GRIK2: variants seen among roughly 807,000 people sequenced by gnomAD.
GRIK2 encodes the protein glutamate receptor ionotropic, kainate 2.
In GRIK2, 32 loss-of-function variants were observed where a neutral mutation model predicts 100.3. The ratio of observed to expected loss-of-function variants is 0.32; its 90% confidence interval spans 0.24 to 0.43. GRIK2 has a LOEUF of 0.43. Among genes scored for constraint, GRIK2 ranks in the 20% least tolerant of loss-of-function variants. The pLI is 1.00. For missense variants in GRIK2, 843 were observed against 1,114.9 expected, an observed-to-expected ratio of 0.76 and a Z score of 3.47; for synonymous variants, 417 against 389.4, an observed-to-expected ratio of 1.07 and a Z score of -0.83.
intron 10 of GRIK2, among the ~76,000 whole-genome samples, chr6:101,846,517 G>T (rs1332810505): frequency 6.6e-6 from 1 of 152,034 alleles, no homozygotes; most frequent in Non-Finnish European, 1.5e-5. Flanking sequence ...TATCAGGGTA[G>T]TGTTGGCCTG....
chr6:101,557,192 A>C (rs1485751902), intron 2 of GRIK2, among the ~76,000 whole-genome samples: 1 of 152,326 alleles, frequency 6.6e-6, no homozygotes, highest in Middle Eastern at 3.4e-3. Flanking sequence ...ACTGTTAATT[A>C]TTCTTTCCAG....
rs146775600 is a variant in GRIK2 at position 102,055,463 on chromosome 6, G to A, written c.2445G>A (p.Leu815=). The A allele has an allele frequency of 2.8e-5, 45 of 1,613,508 alleles. No homozygotes were observed. In the African/African-American group the frequency reaches 5.9e-4, roughly 21 times the overall value. Residue 815 remains leucine (L), a synonymous_variant, in exon 16 of 17, where the codon CTG becomes CTA. Transcript: ENST00000369134. ...AGGAGAGCAAAGAGGCCAGTGCCCT[G>A]GGGGTTCAGAATATTGGTGGCATCT... ...PEEESKEASA[L]GVQNIGGIFI...
chr6:101,596,047 G>GGTCTCCA (rs1434749390), intron 2 of GRIK2, among the ~76,000 whole-genome samples: 3 of 150,374 alleles, frequency 2.0e-5, no homozygotes, highest in Non-Finnish European at 4.4e-5. Flanking sequence ...ACAGAGTGAG[G>GGTCTCCA]GTCTCCAGGA....
At chr6:101,537,963 C>G (rs1775797035) in intron 2 of GRIK2, among the ~76,000 whole-genome samples, 2 of 151,732 alleles carry the variant, frequency 1.3e-5, no homozygotes, top group African/African-American at 4.8e-5. Flanking sequence ...ATGAACTATT[C>G]AGTTTCAGAA....
intron 2 of GRIK2, among the ~76,000 whole-genome samples, chr6:101,420,243 A>C (rs1487573423): frequency 6.6e-6 from 1 of 152,218 alleles, no homozygotes; most frequent in Non-Finnish European, 1.5e-5. Flanking sequence ...TAAGAATTCA[A>C]ATGTAGGTCA....
At chr6:101,725,929 A>G (rs1302494218) in intron 7 of GRIK2, among the ~76,000 whole-genome samples, 3 of 152,032 alleles carry the variant, frequency 2.0e-5, no homozygotes, top group Admixed American at 2.0e-4. Flanking sequence ...AATGTAAATT[A>G]CATGATGATT....
chr6:101,646,676 T>C (rs1308718844), intron 4 of GRIK2, among the ~76,000 whole-genome samples: 2 of 151,974 alleles, frequency 1.3e-5, no homozygotes, highest in African/African-American at 4.8e-5. Context: ...TTGCAAAAGA[T>C]ATCACCACAG....
intron 2 of GRIK2, among the ~76,000 whole-genome samples, chr6:101,491,910 C>CAT (rs3057455): frequency 0.13 from 19,985 of 150,768 alleles, 1,468 homozygotes; most frequent in Middle Eastern, 0.21. Context: ...TGTGTGTATA[C>CAT]ATATATATAT....
intron 11 of GRIK2, among the ~76,000 whole-genome samples, chr6:101,863,723 G>C (rs532750004): frequency 7.9e-5 from 12 of 152,308 alleles, no homozygotes; most frequent in African/African-American, 2.6e-4. Context: ...TTTGGGCACC[G>C]TGTGTCTAAC....
At chr6:101,688,293 A>G (rs1470231311) in intron 7 of GRIK2, among the ~76,000 whole-genome samples, 11 of 151,724 alleles carry the variant, frequency 7.3e-5, no homozygotes, top group Middle Eastern at 3.4e-3. Context: ...AATAAGTCCA[A>G]TGACTAATGT....
At chr6:101,890,049 G>A (rs557695985) in intron 12 of GRIK2, 186 bp downstream of exon 12, 16 of 581,472 alleles carry the variant, frequency 2.8e-5, no homozygotes, top group Admixed American at 9.2e-5. Context: ...TGTGGGCAGA[G>A]AGCATGCTGG....
chr6:101,424,398 C>T (rs1256427140), intron 2 of GRIK2, among the ~76,000 whole-genome samples: 2 of 151,052 alleles, frequency 1.3e-5, no homozygotes, highest in Non-Finnish European at 2.9e-5. Context: ...CAATTCCCAC[C>T]TATGAGTGAG....
At position 101,863,357 on chromosome 6, in the gene GRIK2, C is replaced by T. The variant is rs186999025; in HGVS notation, c.1524+3864C>T. Among the ~76,000 whole-genome samples the T allele has an allele frequency of 1.0e-3, 156 of 152,266 alleles. 1 individual carries two copies. The highest frequency in any genetic ancestry group is 3.5e-3 in the African/African-American group (145 of 41,562). On this transcript the variant is annotated intron_variant, in intron 11 of 16. Transcript: ENST00000369134. ...CCTGACACCTGATGGTTTGCACAGT[C>T]CTCAGTTCTTTCCTCTTGTCAACTG...
intron 7 of GRIK2, among the ~76,000 whole-genome samples, chr6:101,793,045 G>T (rs1780003353): frequency 6.6e-6 from 1 of 152,118 alleles, no homozygotes; most frequent in Non-Finnish European, 1.5e-5. Flanking sequence ...TCGAGCCTTG[G>T]CTTTCACCTC....
chr6:101,945,543 C>T (rs192754555), intron 14 of GRIK2, among the ~76,000 whole-genome samples: 6 of 152,172 alleles, frequency 3.9e-5, no homozygotes, highest in South Asian at 4.1e-4. Context: ...CCATATCTAT[C>T]GCCAACACCT....
chr6:102,043,161 T>G (rs1582776137), intron 15 of GRIK2, among the ~76,000 whole-genome samples: 1 of 151,774 alleles, frequency 6.6e-6, no homozygotes, highest in East Asian at 1.9e-4. Flanking sequence ...TTAAAAAAAT[T>G]TTTTAAACTA....
At chr6:101,714,612 C>T (rs1054257178) in intron 7 of GRIK2, among the ~76,000 whole-genome samples, 2 of 151,776 alleles carry the variant, frequency 1.3e-5, no homozygotes, top group Non-Finnish European at 2.9e-5. Flanking sequence ...TGCTGGTTTG[C>T]TTTAGATAAA....
chr6:101,538,736 A>C (rs1775843488), intron 2 of GRIK2, among the ~76,000 whole-genome samples: 1 of 151,578 alleles, frequency 6.6e-6, no homozygotes, highest in Non-Finnish European at 1.5e-5. Flanking sequence ...TTATTCATTT[A>C]ATTACCATTT....
At chr6:101,418,026 T>C (rs1776232660) in intron 2 of GRIK2, among the ~76,000 whole-genome samples, 1 of 152,236 alleles carries the variant, frequency 6.6e-6, no homozygotes, top group South Asian at 2.1e-4. Context: ...TGTGTGTTTA[T>C]TGACTACTAG....
Sources: allele counts gnomAD v4.1 joint callset (sites outside exome capture counted in the v4.1 genomes callset), GRCh38; gene constraint gnomAD v4.1.1; transcripts MANE v1.5; gene names NCBI Gene and HGNC (gene_info 2026-07-23, HGNC 2026-07-21).